The following PDHX variants were observed in gnomAD, a reference collection of about 807,000 sequenced individuals.
PDHX encodes pyruvate dehydrogenase complex component X, also known as pyruvate dehydrogenase protein X component, mitochondrial.
A neutral mutation model predicts 55.3 loss-of-function variants in PDHX; 33 were observed. That is an observed-to-expected ratio of 0.60 (90% CI 0.45 to 0.80). The LOEUF is 0.80. PDHX is among the 30% of genes least tolerant of loss of function. The pLI is 0.00. For synonymous variants in PDHX, 226 were observed against 219.4 expected (o/e 1.03, Z -0.27); for missense variants, 622 against 619.9 (o/e 1.00, Z -0.04).
At chr11:34,929,986 T>C (rs17362114) in intron 1 of PDHX, among the ~76,000 whole-genome samples, 3,424 of 152,352 alleles carry the variant, frequency 0.022, 72 homozygotes, top group South Asian at 0.077. Context: ...CTTTAGACTT[T>C]GAACTTTCTG....
intron 7 of PDHX, among the ~76,000 whole-genome samples, chr11:34,974,057 G>A (rs535871023): frequency 1.1e-4 from 16 of 152,128 alleles, no homozygotes; most frequent in Non-Finnish European, 2.1e-4. Context: ...ACCATTTTCC[G>A]TGTACAGTTA....
chr11:34,954,135 C>T (rs868184962), intron 3 of PDHX, among the ~76,000 whole-genome samples: 10 of 152,184 alleles, frequency 6.6e-5, no homozygotes, highest in Admixed American at 1.3e-4. Context: ...AAGTCAGTCA[C>T]GTGACTCAGG....
chr11:34,937,045 A>G (rs530977758), intron 2 of PDHX, among the ~76,000 whole-genome samples: 1 of 152,050 alleles, frequency 6.6e-6, no homozygotes, highest in South Asian at 2.1e-4. Context: ...TGGCCTCCCA[A>G]AGTGCCGGGA....
chr11:34,932,025 C>A (rs566374084), intron 2 of PDHX, among the ~76,000 whole-genome samples: 3 of 152,014 alleles, frequency 2.0e-5, no homozygotes, highest in Non-Finnish European at 1.5e-5. Flanking sequence ...AAAAGACAGA[C>A]CAGTGCAGCT....
chr11:34,967,050 C>T (rs934190149), intron 6 of PDHX, among the ~76,000 whole-genome samples: 1 of 152,064 alleles, frequency 6.6e-6, no homozygotes, highest in African/African-American at 2.4e-5. Flanking sequence ...CGGGGTTTCA[C>T]CATGTTGGCT....
intron 3 of PDHX, among the ~76,000 whole-genome samples, chr11:34,954,719 C>T (rs1170671131): frequency 2.6e-5 from 4 of 152,242 alleles, no homozygotes; most frequent in East Asian, 1.9e-4. Flanking sequence ...GCAATAACAA[C>T]AGCAATAATA....
chr11:34,950,622 G>A (rs1212803152), intron 3 of PDHX, among the ~76,000 whole-genome samples: 1 of 150,646 alleles, frequency 6.6e-6, no homozygotes, highest in Non-Finnish European at 1.5e-5. Context: ...GAGAACATTC[G>A]GTGTTTGGTT....
intron 2 of PDHX, among the ~76,000 whole-genome samples, chr11:34,943,089 T>C (rs7938962): frequency 0.13 from 19,804 of 152,124 alleles, 1,772 homozygotes; most frequent in African/African-American, 0.26. Flanking sequence ...CTAAAATTCA[T>C]TGGGTATGGT....
At chr11:34,921,101 CA>C (rs1853868371) in intron 1 of PDHX, among the ~76,000 whole-genome samples, 1 of 152,148 alleles carries the variant, frequency 6.6e-6, no homozygotes, top group Non-Finnish European at 1.5e-5. Context: ...TTTGAATTCT[CA>C]TTTAACTGTG....
upstream of PDHX, chr11:34,916,357 G>A: frequency 1.9e-6 from 3 of 1,577,508 alleles, no homozygotes; most frequent in East Asian, 2.3e-5. Context: ...CTGGGATACG[G>A]CAGCGAGGCC....
chr11:34,980,348 G>GTTTGTTTTTTTTTTTTTTT (rs1319243948), intron 8 of PDHX, among the ~76,000 whole-genome samples: 3 of 30,480 alleles, frequency 9.8e-5, no homozygotes, highest in Admixed American at 5.3e-4. Context: ...GTTTAAGATA[G>GTTTGTTTTTTTTTTTTTTT]TTTCTTTTTT....
chr11:34,939,660 C>T (rs908434952), intron 2 of PDHX, among the ~76,000 whole-genome samples: 4 of 152,124 alleles, frequency 2.6e-5, no homozygotes, highest in African/African-American at 9.7e-5. Flanking sequence ...ACGGAATATC[C>T]TGGATTTATA....
chr11:34,938,267 T>G (rs1854383464), intron 2 of PDHX, among the ~76,000 whole-genome samples: 1 of 152,030 alleles, frequency 6.6e-6, no homozygotes, highest in Non-Finnish European at 1.5e-5. Context: ...CAATAGGAAT[T>G]TCAGAAGAAG....
At chr11:34,980,838 C>T (rs1590766118) in intron 8 of PDHX, among the ~76,000 whole-genome samples, 1 of 152,100 alleles carries the variant, frequency 6.6e-6, no homozygotes, top group East Asian at 1.9e-4. Flanking sequence ...GCTTAAATGA[C>T]ATACCAGGAG....
Position 34,995,023 on chromosome 11 carries a change from G to C in PDHX, c.1357G>C (p.Glu453Gln), listed in dbSNP as rs773627664. The change falls in exon 11 of 11, where the codon GAG becomes CAG. Residue 453 changes from glutamate to glutamine, a missense_variant. Coordinates refer to ENST00000227868, the MANE Select transcript of PDHX (RefSeq NM_003477.3). ...GTTCCGACCTGTGCTGAAGCTCACT[G>C]AGGATGAAGAGGGAAATGCCAAACT... ...GRFRPVLKLT[E>Q]DEEGNAKLQQ... 1.9e-5 allele frequency: 30 copies of C among 1,613,930 alleles called. No individual in the cohort carries two copies. In the Admixed American group the frequency reaches 4.3e-4, roughly 23 times the overall value.
intron 1 of PDHX, among the ~76,000 whole-genome samples, chr11:34,922,864 T>TTTTGTGTGTG (rs113783821): frequency 7.0e-6 from 1 of 143,368 alleles, no homozygotes; most frequent in South Asian, 2.4e-4. Context: ...CAAAGTATCG[T>TTTTGTGTGTG]TGTGTGTGTG....
rs1853717075 is a variant in PDHX, at chr11:34,916,657, TGGC to T, written c.6_8del (p.Ala3?). ...GCAGCCAGTGAGAAGGCCGTCAAGA[TGGC>T]GGCCTCCTGGAGGCTGGGCTGTGAT... On this transcript the variant is annotated start_lost and inframe_deletion, in exon 1 of 11. Coordinates refer to ENST00000227868, the MANE Select transcript of PDHX (RefSeq NM_003477.3). 6.2e-7 allele frequency: 1 copy of T among 1,608,582 alleles called. No homozygotes were observed.
In PDHX at chr11:34,927,227, C is replaced by T. The variant is rs75620682; in HGVS notation, c.161-4177C>T. 6.0e-3 allele frequency among the ~76,000 whole-genome samples: 44 copies of T among 7,332 alleles called. 1 individual carries two copies. Among genetic ancestry groups the T allele is most frequent in the South Asian group, 0.02 (7 of 346 alleles). The allele number at this position is 7,332 out of a possible 152,430, so 4.8% of individuals were successfully genotyped here. ...GCAGAACACTGAAGTGACTACAAAA[C>T]GTTAAATTTTAACTAAATTTTGAGA... On this transcript the variant is annotated intron_variant, in intron 1 of 10. Coordinates refer to ENST00000227868, the MANE Select transcript of PDHX (RefSeq NM_003477.3).
Position 34,984,586 on chromosome 11 carries a change from A to G in PDHX, c.1040A>G (p.Asn347Ser). Residue 347 changes from asparagine to serine, a missense_variant, in exon 9 of 11, where the codon AAT (asparagine) becomes AGT (serine). Transcript: ENST00000227868. Reference sequence around the variant, plus strand: ...TATTTCTAGCAAATGCCAGATGTTAATGTAAGCTGGGATGGAGAGGGCCCA... The same window carrying G: ...TATTTCTAGCAAATGCCAGATGTTAGTGTAAGCTGGGATGGAGAGGGCCCA... Reference protein sequence around the residue: ...AVTLKQMPDVNVSWDGEGPKQ... With the variant: ...AVTLKQMPDVSVSWDGEGPKQ... 6.2e-7 allele frequency: 1 copy of G among 1,614,024 alleles called. No individual in the cohort carries two copies. The highest frequency in any genetic ancestry group is 1.1e-5 in the South Asian group (1 of 91,082).
Sources: gnomAD v4.1 joint callset for allele counts (sites outside exome capture counted in the v4.1 genomes callset) on GRCh38, gnomAD v4.1.1 for gene constraint, MANE v1.5 for transcripts, NCBI Gene and HGNC (gene_info 2026-07-23, HGNC 2026-07-21) for gene names.